Variants in TMEM116 observed in about 807,000 individuals in gnomAD.
TMEM116 encodes the protein transmembrane protein 116.
Under a neutral mutation model 44.3 loss-of-function variants are expected in TMEM116, and 38 were observed. That is an observed-to-expected ratio of 0.86 (90% CI 0.66 to 1.12). The LOEUF (loss-of-function observed/expected upper bound fraction) is 1.12, where lower values mean the gene tolerates loss of function less well. Among genes scored for constraint, TMEM116 ranks in the 50% most tolerant of loss-of-function variants. The pLI is 0.00. For synonymous variants in TMEM116, 132 were observed against 144.8 expected, an observed-to-expected ratio of 0.91 and a Z score of 0.64; for missense variants, 354 against 401.7, an observed-to-expected ratio of 0.88 and a Z score of 1.01.
At chr12:111,932,079 C>A (rs925763347) in intron 10 of TMEM116, among the ~76,000 whole-genome samples, 1 of 151,980 alleles carries the variant, frequency 6.6e-6, no homozygotes, top group Non-Finnish European at 1.5e-5. Context: ...TCAGTGCCCC[C>A]CCTTATTGCC....
chr12:111,977,369 A>G (rs1272720195), intron 4 of TMEM116, among the ~76,000 whole-genome samples: 1 of 152,210 alleles, frequency 6.6e-6, no homozygotes, highest in Non-Finnish European at 1.5e-5. Context: ...TCCAGTATCC[A>G]GTAAAATTAT....
chr12:111,971,206 CACA>C (rs2075313802), intron 4 of TMEM116, among the ~76,000 whole-genome samples: 1 of 152,046 alleles, frequency 6.6e-6, no homozygotes, highest in Admixed American at 6.5e-5. Flanking sequence ...CAGGGATCTA[CACA>C]AAAAAATGAA....
chr12:111,949,238 C>T (rs1232990263), intron 4 of TMEM116, among the ~76,000 whole-genome samples: 1 of 151,980 alleles, frequency 6.6e-6, no homozygotes, highest in Non-Finnish European at 1.5e-5. Flanking sequence ...AAATCATTTA[C>T]TTTTTCTCCC....
Position 111,934,019 on chromosome 12 carries a change from G to A in TMEM116, c.600C>T (p.Ile200=). ...ACTTCTTATACAATGTCTGGGCTCG[G>A]ATAAGTAAGACCTAAATATGAGTAC... The part of the protein sequence containing the change: ...LSLLTIMVLL[I]RAQTLYKKFV... The change falls in exon 9 of 11, where the codon ATC becomes ATT. Residue 200 remains isoleucine, a synonymous_variant. Coordinates refer to ENST00000552374, the MANE Select transcript of TMEM116 (RefSeq NM_001193531.2). 7 of 1,614,038 alleles carry A rather than the reference G, an allele frequency of 4.3e-6. No individual in the cohort carries two copies. The highest frequency in any genetic ancestry group is 5.9e-6 in the Non-Finnish European group (7 of 1,179,976).
At chr12:111,969,049 G>A (rs1366267304) in intron 4 of TMEM116, among the ~76,000 whole-genome samples, 16 of 150,226 alleles carry the variant, frequency 1.1e-4, no homozygotes, top group Admixed American at 3.3e-4. Context: ...GGCCAGGCGC[G>A]GTGGCTCACG....
intron 4 of TMEM116, among the ~76,000 whole-genome samples, chr12:111,990,092 A>G (rs572682808): frequency 6.6e-6 from 1 of 152,142 alleles, no homozygotes; most frequent in East Asian, 1.9e-4. Flanking sequence ...CGTCTCTACT[A>G]AAAATACAAA....
Position 111,931,480 on chromosome 12 carries a change from A to G in TMEM116, c.*141T>C, listed in dbSNP as rs557160110. ...TACTCCCAATTCATCTAGAATGACTACTAACAATGGCACTATATTTCCTTT... is the reference window on the plus strand; with the variant it reads ...TACTCCCAATTCATCTAGAATGACTGCTAACAATGGCACTATATTTCCTTT... On this transcript the variant is annotated 3_prime_UTR_variant, in exon 11 of 11. Transcript: ENST00000552374. 21 of 730,448 alleles carry G rather than the reference A, an allele frequency of 2.9e-5. 1 individual carries two copies. In the African/African-American group the frequency reaches 3.5e-4, roughly 12 times the overall value. 45.2% of individuals were successfully genotyped at this position (730,448 alleles called of 1,614,324 possible). A position where few individuals can be genotyped will look rare whatever the true frequency, so the allele number is the denominator to read the frequency against.
intron 4 of TMEM116, among the ~76,000 whole-genome samples, chr12:111,949,376 A>T (rs534624278): frequency 1.4e-3 from 207 of 152,300 alleles, no homozygotes; most frequent in African/African-American, 4.8e-3. Context: ...AACATTGCTT[A>T]TATATATTAG....
intron 5 of TMEM116, among the ~76,000 whole-genome samples, chr12:111,940,563 G>GTA (rs1183393218): frequency 8.0e-6 from 1 of 125,476 alleles, no homozygotes; most frequent in East Asian, 7.3e-4. Context: ...ACATATATAT[G>GTA]TGTGTATATA....
intron 5 of TMEM116, among the ~76,000 whole-genome samples, chr12:111,939,568 C>G (rs2136246162): frequency 6.7e-6 from 1 of 150,300 alleles, no homozygotes; most frequent in African/African-American, 2.4e-5. Flanking sequence ...GAGGCCAAGG[C>G]AGAAGGATCA....
At chr12:111,933,105 G>T (rs1367137986) in intron 9 of TMEM116, among the ~76,000 whole-genome samples, 1 of 152,060 alleles carries the variant, frequency 6.6e-6, no homozygotes. Flanking sequence ...GCTGGGCATG[G>T]TGGCATGCGC....
intron 4 of TMEM116, among the ~76,000 whole-genome samples, chr12:111,961,557 G>A (rs2074587636): frequency 6.6e-6 from 1 of 152,162 alleles, no homozygotes; most frequent in South Asian, 2.1e-4. Flanking sequence ...CACATAAACA[G>A]AACCAATGGC....
At chr12:111,987,372 G>A (rs2076283190) in intron 4 of TMEM116, among the ~76,000 whole-genome samples, 1 of 151,996 alleles carries the variant, frequency 6.6e-6, no homozygotes, top group Non-Finnish European at 1.5e-5. Flanking sequence ...AGGTATGGTG[G>A]CGCACACCTG....
At chr12:112,005,091 G>A (rs1267718252) in intron 2 of TMEM116, among the ~76,000 whole-genome samples, 166 bp downstream of exon 2, 1 of 152,172 alleles carries the variant, frequency 6.6e-6, no homozygotes, top group Non-Finnish European at 1.5e-5. Context: ...TGTTATTGTT[G>A]TTAATGTTGT....
chr12:111,956,493 G>T (rs2074094335), intron 4 of TMEM116, among the ~76,000 whole-genome samples: 1 of 151,974 alleles, frequency 6.6e-6, no homozygotes, highest in South Asian at 2.1e-4. Flanking sequence ...CAAAAAATAG[G>T]ACCCCTCCCT....
rs770219893 is a variant in TMEM116, at chr12:111,943,383, A to C, written c.211-14T>G. 3.6e-5 allele frequency: 57 copies of C among 1,568,894 alleles called. No homozygotes were observed. Among genetic ancestry groups the C allele is most frequent in the Non-Finnish European group, 6.1e-6 (7 of 1,139,392 alleles). On this transcript the variant is annotated splice_polypyrimidine_tract_variant and intron_variant, in intron 4 of 10. Transcript: ENST00000552374. ...AATGTAGAATATCTAGGTTAAAATC[A>C]AAACAACCCATCATAACTATCTCAC...
rs752744676 is a variant in TMEM116 at position 111,934,018 on chromosome 12, G to A, written c.601C>T (p.Arg201Ter). 2.0e-5 allele frequency: 32 copies of A among 1,613,930 alleles called. No homozygotes were observed. Among genetic ancestry groups the A allele is most frequent in the Middle Eastern group, 1.6e-4 (1 of 6,084 alleles). The change falls in exon 9 of 11, where the codon CGA becomes TGA. Residue 201 changes from arginine (R) to a stop codon, truncating the protein, a stop_gained. Coordinates refer to ENST00000552374, the MANE Select transcript of TMEM116 (RefSeq NM_001193531.2). LOFTEE classifies it high-confidence loss of function. ...AACTTCTTATACAATGTCTGGGCTC[G>A]GATAAGTAAGACCTAAATATGAGTA... ...SLLTIMVLLIRAQTLYKKFVK... is the reference protein window; with the variant it reads ...SLLTIMVLLI
At chr12:111,974,272 AAGAC>A (rs2075530770) in intron 4 of TMEM116, among the ~76,000 whole-genome samples, 1 of 152,194 alleles carries the variant, frequency 6.6e-6, no homozygotes, top group Admixed American at 6.5e-5. Context: ...AATCAGGAAA[AAGAC>A]AGGACTGTCC....
chr12:111,973,921 CCAAAAAAA>C (rs1342975258), intron 4 of TMEM116, among the ~76,000 whole-genome samples: 1 of 151,350 alleles, frequency 6.6e-6, no homozygotes, highest in African/African-American at 2.4e-5. Flanking sequence ...TCAAAAAAAC[CCAAAAAAA>C]CAAAAAAACA....
Sources: gnomAD v4.1 joint callset for allele counts (sites outside exome capture counted in the v4.1 genomes callset) on GRCh38, gnomAD v4.1.1 for gene constraint, MANE v1.5 for transcripts, NCBI Gene and HGNC (gene_info 2026-07-23, HGNC 2026-07-21) for gene names.